Variants in KCNAB1 observed in about 807,000 individuals in gnomAD.
The protein encoded by KCNAB1 is potassium voltage-gated channel subfamily A regulatory beta subunit 1, also known as voltage-gated potassium channel subunit beta-1.
KCNAB1 carries 35 observed loss-of-function variants against 64.6 expected under a neutral mutation model. That is an observed-to-expected ratio of 0.54 (90% confidence interval 0.41 to 0.72). KCNAB1 has a LOEUF of 0.72. Ranked by LOEUF, KCNAB1 falls within the 30% of genes least tolerant of loss-of-function variation. The pLI, the probability that KCNAB1 is intolerant of heterozygous loss-of-function variation, is 0.00. For synonymous variants in KCNAB1, 177 were observed against 183.8 expected, an observed-to-expected ratio of 0.96 and a Z score of 0.30; for missense variants, 401 against 512.9, an observed-to-expected ratio of 0.78 and a Z score of 2.11.
chr3:156,378,025 A>C (rs1711828093), intron 1 of KCNAB1, among the ~76,000 whole-genome samples: 1 of 152,178 alleles, frequency 6.6e-6, no homozygotes, highest in African/African-American at 2.4e-5. Context: ...CTTTCTGAAG[A>C]AGGATAATTA....
intron 2 of KCNAB1, 30 bp downstream of exon 2, chr3:156,421,689 G>A: frequency 6.2e-7 from 1 of 1,610,338 alleles, no homozygotes; most frequent in Non-Finnish European, 8.5e-7. Context: ...CCTGGGGGTG[G>A]GCTGGAAGGT....
chr3:156,426,514 C>T (rs898146548), intron 2 of KCNAB1, among the ~76,000 whole-genome samples: 12 of 152,156 alleles, frequency 7.9e-5, no homozygotes, highest in African/African-American at 2.9e-4. Context: ...CATTAGGGTT[C>T]ACTATTGGTG....
intron 1 of KCNAB1, among the ~76,000 whole-genome samples, chr3:156,268,074 C>T (rs1355696679): frequency 6.6e-6 from 1 of 151,004 alleles, no homozygotes; most frequent in Non-Finnish European, 1.5e-5. Flanking sequence ...ATTCTATTCT[C>T]TATCTCCATG....
chr3:156,120,537 G>A (rs1713273350), upstream of KCNAB1: 3 of 1,549,138 alleles, frequency 1.9e-6, no homozygotes, highest in East Asian at 6.8e-5. Flanking sequence ...ACGAGGGAGG[G>A]AGGCAGAAGC....
intron 1 of KCNAB1, among the ~76,000 whole-genome samples, chr3:156,295,031 T>TA (rs1309906793): frequency 3.3e-5 from 5 of 152,162 alleles, no homozygotes; most frequent in Non-Finnish European, 7.3e-5. Flanking sequence ...AGTCTGGGGC[T>TA]AAAGTACAAG....
At chr3:156,454,481 G>C (rs965847277) in intron 3 of KCNAB1, among the ~76,000 whole-genome samples, 1 of 152,196 alleles carries the variant, frequency 6.6e-6, no homozygotes, top group South Asian at 2.1e-4. Context: ...AATTTCCAGA[G>C]AGGGCTGACA....
intron 1 of KCNAB1, among the ~76,000 whole-genome samples, chr3:156,366,231 G>A (rs1725937717): frequency 6.6e-6 from 1 of 152,166 alleles, no homozygotes; most frequent in East Asian, 1.9e-4. Context: ...CTCCGGTAGA[G>A]TTTAAAACAA....
At chr3:156,228,245 G>T (rs759982484) in intron 1 of KCNAB1, among the ~76,000 whole-genome samples, 1 of 152,124 alleles carries the variant, frequency 6.6e-6, no homozygotes. Flanking sequence ...TCAGATGAAG[G>T]GGAGAGGAGA....
intron 2 of KCNAB1, 152 bp downstream of exon 2, chr3:156,421,811 T>TC (rs1352767794): frequency 1.5e-6 from 1 of 645,436 alleles, no homozygotes; most frequent in African/African-American, 1.8e-5. Flanking sequence ...TGAGCCTTTC[T>TC]CTTCCCATCA....
chr3:156,315,789 C>A (rs80022631), intron 1 of KCNAB1, among the ~76,000 whole-genome samples: 3,717 of 152,214 alleles, frequency 0.024, 177 homozygotes, highest in African/African-American at 0.086. Flanking sequence ...ACACAGAGAA[C>A]TGATAATGGT....
rs558344497 is a variant in KCNAB1, at chr3:156,244,877, T to C, written c.275+123991T>C. Among the ~76,000 whole-genome samples the C allele has an allele frequency of 3.9e-5, 6 of 152,338 alleles. 1 individual carries two copies. Among genetic ancestry groups the C allele is most frequent in the African/African-American group, 1.4e-4 (6 of 41,572 alleles). On this transcript the variant is annotated intron_variant, in intron 1 of 13. Coordinates refer to ENST00000490337, the MANE Select transcript of KCNAB1 (RefSeq NM_172160.3). Reference sequence around the variant, plus strand: ...TATTTTGCTATTTTCAGTTTGGTTCTACCTCATTTGCCTGCTGTAGGAGTC... The same window carrying C: ...TATTTTGCTATTTTCAGTTTGGTTCCACCTCATTTGCCTGCTGTAGGAGTC...
At chr3:156,406,394 A>G (rs1714249540) in intron 1 of KCNAB1, among the ~76,000 whole-genome samples, 1 of 152,146 alleles carries the variant, frequency 6.6e-6, no homozygotes, top group African/African-American at 2.4e-5. Flanking sequence ...TGGGAGAGAC[A>G]GATTTGCAGA....
chr3:156,529,589 C>G (rs1017992185), intron 12 of KCNAB1, among the ~76,000 whole-genome samples: 11 of 152,132 alleles, frequency 7.2e-5, no homozygotes, highest in Admixed American at 6.5e-5. Context: ...AGACCTGAAT[C>G]AGAAACTCAG....
intron 8 of KCNAB1, among the ~76,000 whole-genome samples, chr3:156,498,316 C>G (rs1716143834): frequency 6.6e-6 from 1 of 152,134 alleles, no homozygotes; most frequent in South Asian, 2.1e-4. Context: ...GCGTCCCCAC[C>G]CAAATCTCAT....
downstream of KCNAB1, chr3:156,539,070 C>CTTA (rs1559939286): frequency 6.6e-6 from 1 of 152,160 alleles, no homozygotes; most frequent in East Asian, 1.9e-4. Flanking sequence ...TCCACGCACT[C>CTTA]TTATTATTTT....
chr3:156,460,899 AC>A (rs746014239), intron 5 of KCNAB1, among the ~76,000 whole-genome samples: 14 of 152,200 alleles, frequency 9.2e-5, no homozygotes, highest in Non-Finnish European at 2.1e-4. Flanking sequence ...TCTGAGATAA[AC>A]TTTTGGTAGG....
Position 156,433,468 on chromosome 3 carries a change from G to A in KCNAB1, c.319+11809G>A, listed in dbSNP as rs181179770. Among the ~76,000 whole-genome samples, 209 of 152,326 alleles carry A rather than the reference G, an allele frequency of 1.4e-3. 1 individual carries two copies. Among genetic ancestry groups the A allele is most frequent in the Admixed American group, 3.5e-3 (53 of 15,304 alleles). On this transcript the variant is annotated intron_variant, in intron 2 of 13. Coordinates refer to ENST00000490337, the MANE Select transcript of KCNAB1 (RefSeq NM_172160.3). ...CAAGGGCTGCCTAAGCTAGGGTTAA[G>A]GGAGGTCATGTAAGGCTTCCTGGAG...
At chr3:156,465,553 G>A in intron 6 of KCNAB1, 90 bp from the exon 7 acceptor site, 1 of 1,144,394 alleles carries the variant, frequency 8.7e-7, no homozygotes, top group Non-Finnish European at 1.3e-6. Flanking sequence ...GATAAGAACA[G>A]GGTGCAAAAT....
At position 156,182,163 on chromosome 3, in the gene KCNAB1, C is replaced by T. The variant is rs543851465; in HGVS notation, c.275+61277C>T. On this transcript the variant is annotated intron_variant, in intron 1 of 13. Transcript: ENST00000490337. ...ATAAGATGGGTTTAAAATCCCTGTTCCCTCACTCATCATAAGTCTAATACC... is the reference window on the plus strand; with the variant it reads ...ATAAGATGGGTTTAAAATCCCTGTTTCCTCACTCATCATAAGTCTAATACC... Among the ~76,000 whole-genome samples, 22 of 152,170 alleles carry T rather than the reference C, an allele frequency of 1.4e-4. No homozygotes were observed. In the South Asian group the frequency reaches 4.6e-3, roughly 32 times the overall value.
Sources: allele counts gnomAD v4.1 joint callset (sites outside exome capture counted in the v4.1 genomes callset), GRCh38; gene constraint gnomAD v4.1.1; transcripts MANE v1.5; gene names NCBI Gene and HGNC (gene_info 2026-07-23, HGNC 2026-07-21).